SNX2: variants seen among roughly 807,000 people sequenced by gnomAD.
SNX2 encodes the protein sorting nexin-2.
SNX2 carries 25 observed loss-of-function variants against 69.9 expected under a neutral mutation model. The ratio of observed to expected loss-of-function variants is 0.36; its 90% CI spans 0.26 to 0.50. The LOEUF is 0.50. Among genes scored for constraint, SNX2 ranks in the 20% least tolerant of loss-of-function variants. The pLI is 0.97. For synonymous variants in SNX2, 229 were observed against 200.4 expected, an observed-to-expected ratio of 1.14 and a Z score of -1.20; for missense variants, 551 against 613.3, an observed-to-expected ratio of 0.90 and a Z score of 1.07.
intron 11 of SNX2, among the ~76,000 whole-genome samples, chr5:122,820,077 A>ATT (rs1314815656): frequency 6.6e-6 from 1 of 152,304 alleles, no homozygotes; most frequent in East Asian, 1.9e-4. Context: ...TATATACTTC[A>ATT]TTATATATAG....
rs1223370338 is a variant in SNX2 at position 122,833,092 on chromosome 5, A to G, written c.*3444A>G. 4 of 152,218 alleles carry G rather than the reference A, an allele frequency of 2.6e-5. No individual in the cohort carries two copies. The highest frequency in any genetic ancestry group is 5.9e-5 in the Non-Finnish European group (4 of 68,030). The allele number at this position is 152,218 out of a possible 1,614,324, so 9.4% of individuals were successfully genotyped here. A position where few individuals can be genotyped will look rare whatever the true frequency, so the allele number is the denominator to read the frequency against. On this transcript the variant is annotated 3_prime_UTR_variant, in exon 15 of 15. Coordinates refer to ENST00000379516, the MANE Select transcript of SNX2 (RefSeq NM_003100.4). The stretch of plus-strand genomic sequence containing the variant: ...AGTCTGTTTCAAAGTATTAGAAAAG[A>G]GACAATAGAATCACCCACCCTCCCT...
At position 122,829,707 on chromosome 5, in the gene SNX2, A is replaced by G. The variant is rs1754239612; in HGVS notation, c.*59A>G. 2.1e-6 allele frequency: 3 copies of G among 1,399,510 alleles called. No individual in the cohort carries two copies. Among genetic ancestry groups the G allele is most frequent in the African/African-American group, 1.4e-5 (1 of 70,516 alleles). The allele number at this position is 1,399,510 out of a possible 1,614,324, so 86.7% of individuals were successfully genotyped here. On this transcript the variant is annotated 3_prime_UTR_variant, in exon 15 of 15. Transcript: ENST00000379516. ...TGTTGTTCCAGTTATGCTGGATTCC[A>G]CAGTGAAATCATTTAAAACCATCTA...
intron 9 of SNX2, 81 bp downstream of exon 9, chr5:122,817,109 A>T: frequency 8.4e-7 from 1 of 1,188,512 alleles, no homozygotes; most frequent in Non-Finnish European, 1.2e-6. Context: ...ACAAGTGGAA[A>T]ATAGGATATT....
chr5:122,794,642 T>C (rs1213836680), intron 1 of SNX2, among the ~76,000 whole-genome samples: 1 of 152,240 alleles, frequency 6.6e-6, no homozygotes, highest in Non-Finnish European at 1.5e-5. Flanking sequence ...TTTGGTTCTA[T>C]TGTATATGAC....
At chr5:122,797,631 G>A (rs1753413286) in intron 2 of SNX2, among the ~76,000 whole-genome samples, 2 of 152,144 alleles carry the variant, frequency 1.3e-5, no homozygotes, top group South Asian at 4.1e-4. Context: ...CCAGTAATGA[G>A]AAACCTATAC....
In SNX2 at chr5:122,808,331, A is replaced by G. The variant is rs745773104; in HGVS notation, c.698A>G (p.Glu233Gly). 6.2e-7 allele frequency: 1 copy of G among 1,610,518 alleles called. No homozygotes were observed. Among genetic ancestry groups the G allele is most frequent in the Non-Finnish European group, 8.5e-7 (1 of 1,178,312 alleles). ...GACTCATCATCCACTGAGTTTGTAG[A>G]AAAACGGAGAGCAGCTCTTGAAAGG... ...KEDSSSTEFV[E>G]KRRAALERYL... The change falls in exon 7 of 15, where the codon GAA (glutamate) becomes GGA (glycine). Residue 233 changes from glutamate (E) to glycine (G), a missense_variant. Glu to Gly is a moderately conservative substitution (Grantham distance 98, BLOSUM62 -2). Coordinates refer to ENST00000379516, the MANE Select transcript of SNX2 (RefSeq NM_003100.4).
intron 7 of SNX2, 29 bp from the exon 8 acceptor site, chr5:122,815,867 T>A: frequency 1.6e-6 from 2 of 1,279,646 alleles, no homozygotes; most frequent in Non-Finnish European, 2.2e-6. Flanking sequence ...ATGCTACTGA[T>A]AAAGGAGCAA....
intron 7 of SNX2, among the ~76,000 whole-genome samples, chr5:122,814,397 C>G (rs933214465): frequency 2.0e-5 from 3 of 152,080 alleles, no homozygotes; most frequent in Non-Finnish European, 4.4e-5. Flanking sequence ...TAGATTGTAT[C>G]GAAGATACCT....
At position 122,813,469 on chromosome 5, in the gene SNX2, T is replaced by C. The variant is rs190809123; in HGVS notation, c.723-2427T>C. 2.9e-3 allele frequency among the ~76,000 whole-genome samples: 449 copies of C among 152,218 alleles called. 4 individuals are homozygous for C. Among genetic ancestry groups the C allele is most frequent in the Middle Eastern group, 0.017 (5 of 290 alleles). On this transcript the variant is annotated intron_variant, in intron 7 of 14. Transcript: ENST00000379516. ...CAAAATTGATTCTTCAGAATGCTAA[T>C]ATGTAGTAGAATGAAAAAGATCTAT...
intron 2 of SNX2, among the ~76,000 whole-genome samples, chr5:122,796,677 AT>A (rs1225053878): frequency 1.3e-5 from 2 of 152,206 alleles, no homozygotes; most frequent in Non-Finnish European, 2.9e-5. Flanking sequence ...AATTCTGTGT[AT>A]TCCTTTAATG....
At chr5:122,820,783 T>C (rs1754006770) in intron 11 of SNX2, among the ~76,000 whole-genome samples, 1 of 152,206 alleles carries the variant, frequency 6.6e-6, no homozygotes, top group Admixed American at 6.5e-5. Flanking sequence ...GTTATGTATA[T>C]AGTATCCCTG....
At chr5:122,803,686 A>T (rs1753565092) in intron 6 of SNX2, 73 bp downstream of exon 6, 2 of 1,202,396 alleles carry the variant, frequency 1.7e-6, no homozygotes, top group African/African-American at 3.1e-5. Flanking sequence ...AGATTTGTGG[A>T]TTTCTTAGTC....
At chr5:122,807,375 G>A (rs1753682378) in intron 6 of SNX2, among the ~76,000 whole-genome samples, 1 of 152,056 alleles carries the variant, frequency 6.6e-6, no homozygotes, top group Non-Finnish European at 1.5e-5. Flanking sequence ...ATGGAATCTG[G>A]GATCCCTTAG....
chr5:122,819,500 G>A (rs946647839), intron 11 of SNX2, among the ~76,000 whole-genome samples: 5 of 152,178 alleles, frequency 3.3e-5, no homozygotes, highest in African/African-American at 4.8e-5. Flanking sequence ...TGTGTTTATA[G>A]ATGAGATGGG....
chr5:122,806,070 G>A (rs571462850), intron 6 of SNX2, among the ~76,000 whole-genome samples: 10 of 151,180 alleles, frequency 6.6e-5, no homozygotes, highest in East Asian at 2.0e-4. Flanking sequence ...GTGAGCCACC[G>A]CGCCTGGCCT....
rs1181951472 is a variant in SNX2, at chr5:122,833,865, A to G, written c.*4217A>G. Reference sequence around the variant, plus strand: ...TGAATAAAAGCGACTCCTAGTTGTTACTCTCAAGGGCAGGTATAATTTATG... The same window carrying G: ...TGAATAAAAGCGACTCCTAGTTGTTGCTCTCAAGGGCAGGTATAATTTATG... On this transcript the variant is annotated 3_prime_UTR_variant, in exon 15 of 15. Coordinates refer to ENST00000379516, the MANE Select transcript of SNX2 (RefSeq NM_003100.4). 6 of 152,188 alleles carry G rather than the reference A, an allele frequency of 3.9e-5. No homozygotes were observed. Among genetic ancestry groups the G allele is most frequent in the African/African-American group, 1.4e-4 (6 of 41,460 alleles). The allele number at this position is 152,188 out of a possible 1,614,324, so 9.4% of individuals were successfully genotyped here.
chr5:122,824,133 T>C (rs10065378), intron 11 of SNX2, among the ~76,000 whole-genome samples: 121,842 of 150,246 alleles, frequency 0.81, 50,259 homozygotes, highest in East Asian at 0.99. Flanking sequence ...ACCTGGGAGT[T>C]GGAGCTCGCA....
intron 9 of SNX2, 85 bp from the exon 10 acceptor site, chr5:122,817,195 A>T (rs1204730011): frequency 7.3e-7 from 1 of 1,374,410 alleles, no homozygotes; most frequent in African/African-American, 1.4e-5. Context: ...TTGCTTTAAA[A>T]CAAGGAATTT....
intron 1 of SNX2, among the ~76,000 whole-genome samples, chr5:122,790,326 G>C (rs1321234921): frequency 6.6e-6 from 1 of 152,046 alleles, no homozygotes; most frequent in Non-Finnish European, 1.5e-5. Context: ...TCTCCATGTT[G>C]GCCAGGCTGG....
Sources: allele counts gnomAD v4.1 joint callset (sites outside exome capture counted in the v4.1 genomes callset), GRCh38; gene constraint gnomAD v4.1.1; transcripts MANE v1.5; gene names NCBI Gene and HGNC (gene_info 2026-07-23, HGNC 2026-07-21).